Variants in TTC23 observed in about 807,000 individuals in gnomAD.
TTC23 encodes the protein tetratricopeptide repeat domain 23, also known as tetratricopeptide repeat protein 23.
TTC23 carries 58 observed loss-of-function variants against 55.1 expected under a neutral mutation model. The observed-to-expected ratio is 1.05, with a 90% confidence interval of 0.85 to 1.31. TTC23 has a LOEUF of 1.31. Among genes scored for constraint, TTC23 ranks in the 50% most tolerant of loss-of-function variants. The probability of loss-of-function intolerance (pLI) is 0.00; values close to 1 mark genes in which losing one functional copy is unlikely to be tolerated. For synonymous variants in TTC23, 203 were observed against 199.9 expected, an observed-to-expected ratio of 1.02 and a Z score of -0.13; for missense variants, 516 against 534.4, an observed-to-expected ratio of 0.97 and a Z score of 0.34.
intron 12 of TTC23, among the ~76,000 whole-genome samples, chr15:99,146,604 C>G (rs1555493429): frequency 6.6e-6 from 1 of 152,364 alleles, no homozygotes; most frequent in Admixed American, 6.5e-5. Flanking sequence ...CCTCTCCAGA[C>G]CTTGTGGGAC....
intron 6 of TTC23, among the ~76,000 whole-genome samples, chr15:99,221,215 A>G (rs1252722607): frequency 6.6e-6 from 1 of 152,232 alleles, no homozygotes; most frequent in African/African-American, 2.4e-5. Flanking sequence ...AGAGCCAAGC[A>G]GTGGGAGAGA....
chr15:99,174,450 G>C (rs1329491515), intron 10 of TTC23, among the ~76,000 whole-genome samples: 4 of 136,582 alleles, frequency 2.9e-5, no homozygotes, highest in African/African-American at 1.1e-4. Context: ...CTCCATTTCT[G>C]AATATTATGA....
chr15:99,202,784 C>A (rs2076304034), intron 8 of TTC23, among the ~76,000 whole-genome samples: 1 of 152,150 alleles, frequency 6.6e-6, no homozygotes, highest in Non-Finnish European at 1.5e-5. Context: ...TGTAAGTAAG[C>A]AGCAGTAGAA....
At chr15:99,164,759 G>A (rs983730053) in intron 10 of TTC23, among the ~76,000 whole-genome samples, 2 of 152,054 alleles carry the variant, frequency 1.3e-5, no homozygotes, top group African/African-American at 4.8e-5. Context: ...ATTCTGTGAC[G>A]GTAATGCCAG....
chr15:99,146,976 GTGGT>G (rs2068950818), intron 12 of TTC23, among the ~76,000 whole-genome samples: 10 of 152,072 alleles, frequency 6.6e-5, no homozygotes, highest in Non-Finnish European at 1.5e-4. Context: ...GTGCAGCGGT[GTGGT>G]CACGGCTCAC....
chr15:99,205,284 C>T (rs1345252358), intron 8 of TTC23, among the ~76,000 whole-genome samples: 2 of 151,824 alleles, frequency 1.3e-5, no homozygotes, highest in Non-Finnish European at 2.9e-5. Flanking sequence ...TCTTTTGGGA[C>T]TTTCGTGGTT....
chr15:99,228,578 G>A lies in TTC23; in HGVS notation c.135C>T (p.Leu45=), dbSNP rs1264099006. 1 of 1,613,774 alleles carries A rather than the reference G, an allele frequency of 6.2e-7. No individual in the cohort carries two copies. Among genetic ancestry groups the A allele is most frequent in the Non-Finnish European group, 8.5e-7 (1 of 1,179,796 alleles). The change falls in exon 5 of 14, where the codon CTC becomes CTT. Residue 45 remains leucine, a synonymous_variant. Transcript: ENST00000394132. ...TALFQPPREK[L]HLCEEKAKSY... ...ACTTTGCTTTCTCTTCACAGAGGTGGAGTTTCTCTCGAGGAGGCTGGAATA... is the reference window on the plus strand; with the variant it reads ...ACTTTGCTTTCTCTTCACAGAGGTGAAGTTTCTCTCGAGGAGGCTGGAATA...
At chr15:99,163,184 A>G (rs907339775) in intron 10 of TTC23, among the ~76,000 whole-genome samples, 1 of 152,224 alleles carries the variant, frequency 6.6e-6, no homozygotes, top group Non-Finnish European at 1.5e-5. Flanking sequence ...AGCCCTTTAA[A>G]AGCAGAGTTT....
Position 99,206,089 on chromosome 15 carries a change from G to T in TTC23, c.582-5993C>A, listed in dbSNP as rs1017917350. Among the ~76,000 whole-genome samples, 8 of 152,228 alleles carry T rather than the reference G, an allele frequency of 5.3e-5. No individual in the cohort carries two copies. In the East Asian group the frequency reaches 7.7e-4, roughly 15 times the overall value. ...CAGCATCTATTGAAATGATCATATG[G>T]TTTTTGTCTTTCATTTTGTTGATGT... On this transcript the variant is annotated intron_variant, in intron 8 of 13. Transcript: ENST00000394132.
intron 10 of TTC23, among the ~76,000 whole-genome samples, chr15:99,165,729 T>C (rs945352007): frequency 5.7e-5 from 3 of 52,798 alleles, no homozygotes; most frequent in Non-Finnish European, 7.1e-5. Flanking sequence ...CTCTTCCTCA[T>C]AGCTGCCCAT....
At chr15:99,210,821 C>G (rs556376417) in intron 8 of TTC23, among the ~76,000 whole-genome samples, 19 of 152,208 alleles carry the variant, frequency 1.2e-4, no homozygotes, top group East Asian at 1.2e-3. Flanking sequence ...CACTGGGAAG[C>G]ATTTCTGGAG....
chr15:99,221,673 T>G, intron 6 of TTC23, 68 bp downstream of exon 6: 5 of 1,597,174 alleles, frequency 3.1e-6, no homozygotes, highest in Non-Finnish European at 4.3e-6. Flanking sequence ...TAATTAAGTG[T>G]GAATCAAATT....
intron 3 of TTC23, 52 bp from the exon 4 acceptor site, chr15:99,235,132 C>CA (rs1354315865): frequency 6.6e-6 from 1 of 152,204 alleles, no homozygotes; most frequent in African/African-American, 2.4e-5. Flanking sequence ...CCTGTAGTCT[C>CA]AGCTACTCCG....
intron 8 of TTC23, among the ~76,000 whole-genome samples, chr15:99,202,089 G>A (rs1378459724): frequency 1.3e-5 from 2 of 152,260 alleles, no homozygotes; most frequent in African/African-American, 2.4e-5. Context: ...TATGACAAGA[G>A]TTCATTGGTT....
intron 8 of TTC23, among the ~76,000 whole-genome samples, chr15:99,202,334 C>T (rs1370002893): frequency 1.3e-5 from 2 of 152,042 alleles, no homozygotes; most frequent in Non-Finnish European, 2.9e-5. Context: ...ATGCAGTGTG[C>T]CATTGAAGTA....
upstream of TTC23, chr15:99,251,173 A>C (rs893890238): frequency 6.6e-6 from 1 of 152,298 alleles, no homozygotes; most frequent in Non-Finnish European, 1.5e-5. Flanking sequence ...GACGCTAAGC[A>C]AAAGCCACTC....
intron 3 of TTC23, among the ~76,000 whole-genome samples, chr15:99,238,946 A>T (rs2079544360): frequency 6.6e-6 from 1 of 152,196 alleles, no homozygotes; most frequent in African/African-American, 2.4e-5. Flanking sequence ...TGGAAATAGC[A>T]CTTTAAAAAC....
intron 9 of TTC23, among the ~76,000 whole-genome samples, chr15:99,190,464 A>G (rs967084424): frequency 6.6e-6 from 1 of 152,046 alleles, no homozygotes; most frequent in African/African-American, 2.4e-5. Context: ...TAAAACATAC[A>G]CTGAAGTATT....
chr15:99,248,225 C>T (rs1029277538), intron 1 of TTC23: 1 of 152,214 alleles, frequency 6.6e-6, no homozygotes, highest in Non-Finnish European at 1.5e-5. Flanking sequence ...GGCCCCTTAG[C>T]TTCTGGTCTC....
Sources: gnomAD v4.1 joint callset for allele counts (sites outside exome capture counted in the v4.1 genomes callset) on GRCh38, gnomAD v4.1.1 for gene constraint, MANE v1.5 for transcripts, NCBI Gene and HGNC (gene_info 2026-07-23, HGNC 2026-07-21) for gene names.